SLC35F1: variants seen among roughly 807,000 people sequenced by gnomAD.
SLC35F1 encodes the protein chromosome 6 open reading frame 169.
SLC35F1 carries 14 observed loss-of-function variants against 48.7 expected under a neutral mutation model. The observed-to-expected ratio is 0.29, with a 90% CI of 0.19 to 0.45. The LOEUF (loss-of-function observed/expected upper bound fraction) is 0.45. SLC35F1 is among the 20% of genes least tolerant of loss of function. The pLI is 1.00. For synonymous variants in SLC35F1, 190 were observed against 202.2 expected, an observed-to-expected ratio of 0.94 and a Z score of 0.51; for missense variants, 404 against 500.0, an observed-to-expected ratio of 0.81 and a Z score of 1.83.
At chr6:117,910,442 C>T (rs148095986) in intron 1 of SLC35F1, among the ~76,000 whole-genome samples, 39 of 152,302 alleles carry the variant, frequency 2.6e-4, no homozygotes, top group Middle Eastern at 3.4e-3. Flanking sequence ...TTTTCCTCTT[C>T]CTCCTTCCTG....
chr6:117,976,350 C>G (rs1042525399), intron 1 of SLC35F1, among the ~76,000 whole-genome samples: 3 of 152,114 alleles, frequency 2.0e-5, no homozygotes, highest in East Asian at 3.8e-4. Context: ...GGCTTTCTTC[C>G]TTTTTAGAAG....
chr6:118,044,292 C>T (rs923191739), intron 1 of SLC35F1, among the ~76,000 whole-genome samples: 1 of 152,180 alleles, frequency 6.6e-6, no homozygotes, highest in African/African-American at 2.4e-5. Flanking sequence ...CATTCAAGGG[C>T]ATTCATTCTT....
At position 117,923,630 on chromosome 6, in the gene SLC35F1, T is replaced by C. The variant is rs62432055; in HGVS notation, c.173+15731T>C. Among the ~76,000 whole-genome samples, 2 of 90,836 alleles carry C rather than the reference T, an allele frequency of 2.2e-5. 1 individual carries two copies. Among genetic ancestry groups the C allele is most frequent in the African/African-American group, 8.0e-5 (2 of 25,034 alleles). The allele number at this position is 90,836 out of a possible 152,430, so 59.6% of individuals were successfully genotyped here. On this transcript the variant is annotated intron_variant, in intron 1 of 7. Coordinates refer to ENST00000360388, the MANE Select transcript of SLC35F1 (RefSeq NM_001029858.4). ...ATACATATACATATGTATATATACA[T>C]ATATGTACATATGTACATATGTACA...
At chr6:117,978,112 T>C (rs1010218834) in intron 1 of SLC35F1, among the ~76,000 whole-genome samples, 2 of 152,200 alleles carry the variant, frequency 1.3e-5, no homozygotes, top group African/African-American at 2.4e-5. Flanking sequence ...CAGATGTGTT[T>C]ATCTGAACTG....
At chr6:118,078,416 A>C (rs548447415) in intron 1 of SLC35F1, among the ~76,000 whole-genome samples, 2 of 152,314 alleles carry the variant, frequency 1.3e-5, no homozygotes, top group African/African-American at 4.8e-5. Context: ...CACACATGGG[A>C]AATGATGAAG....
intron 1 of SLC35F1, among the ~76,000 whole-genome samples, chr6:118,087,281 C>T (rs189432070): frequency 7.4e-4 from 113 of 152,162 alleles, no homozygotes; most frequent in African/African-American, 2.7e-3. Context: ...GGACACCCGT[C>T]ATATTGGATT....
intron 7 of SLC35F1, among the ~76,000 whole-genome samples, chr6:118,295,170 G>A (rs1303314178): frequency 6.6e-6 from 1 of 152,004 alleles, no homozygotes; most frequent in Non-Finnish European, 1.5e-5. Flanking sequence ...TGTGGTGGTT[G>A]TTATAAGAGA....
intron 1 of SLC35F1, among the ~76,000 whole-genome samples, chr6:117,974,880 A>G (rs1582595013): frequency 2.6e-5 from 4 of 152,364 alleles, no homozygotes. Context: ...AATAGAAGAC[A>G]AGTGGACTCA....
intron 1 of SLC35F1, among the ~76,000 whole-genome samples, chr6:118,027,847 T>C (rs1458509811): frequency 6.6e-6 from 1 of 152,136 alleles, no homozygotes; most frequent in Non-Finnish European, 1.5e-5. Context: ...GTTCACACTT[T>C]TTGAGAGACA....
intron 3 of SLC35F1, among the ~76,000 whole-genome samples, chr6:118,247,463 C>A (rs1775522508): frequency 6.6e-6 from 1 of 152,152 alleles, no homozygotes; most frequent in Non-Finnish European, 1.5e-5. Context: ...CATGTTTTCC[C>A]AGTACCAGGG....
chr6:118,302,238 A>G (rs1015202615), intron 7 of SLC35F1, among the ~76,000 whole-genome samples: 4 of 152,168 alleles, frequency 2.6e-5, no homozygotes, highest in African/African-American at 9.7e-5. Context: ...GCCCTGAGCT[A>G]AGATGTGTGA....
chr6:118,234,578 C>G (rs1775337761), intron 2 of SLC35F1, among the ~76,000 whole-genome samples: 1 of 152,158 alleles, frequency 6.6e-6, no homozygotes, highest in African/African-American at 2.4e-5. Flanking sequence ...TGGAGACACT[C>G]AGTTAAGCTC....
chr6:118,089,516 C>T lies in SLC35F1; in HGVS notation c.174-64929C>T, dbSNP rs555535546. 7.2e-5 allele frequency among the ~76,000 whole-genome samples: 11 copies of T among 152,284 alleles called. No homozygotes were observed. In the South Asian group the frequency reaches 8.3e-4, roughly 11 times the overall value. On this transcript the variant is annotated intron_variant, in intron 1 of 7. Transcript: ENST00000360388. Reference sequence around the variant, plus strand: ...CTATTAATTTCTATTTCCTTTTGCTCATTTTTTATGATACACTCTCAGGAG... The same window carrying T: ...CTATTAATTTCTATTTCCTTTTGCTTATTTTTTATGATACACTCTCAGGAG...
At chr6:118,309,213 AT>A (rs1055046377) in intron 7 of SLC35F1, among the ~76,000 whole-genome samples, 13 of 144,712 alleles carry the variant, frequency 9.0e-5, no homozygotes, top group South Asian at 2.2e-4. Flanking sequence ...GCGTGTGTGT[AT>A]TTTTTTTTAA....
intron 4 of SLC35F1, among the ~76,000 whole-genome samples, chr6:118,273,036 G>A (rs1162676966): frequency 6.7e-6 from 1 of 149,146 alleles, no homozygotes; most frequent in African/African-American, 2.6e-5. Flanking sequence ...CTTAAAAACT[G>A]ACAAATATAA....
At chr6:118,097,898 A>G (rs1773201422) in intron 1 of SLC35F1, among the ~76,000 whole-genome samples, 1 of 152,202 alleles carries the variant, frequency 6.6e-6, no homozygotes, top group African/African-American at 2.4e-5. Context: ...GTTTTCTCAC[A>G]TCTAATTATA....
At chr6:118,150,864 A>C (rs114518030) in intron 1 of SLC35F1, among the ~76,000 whole-genome samples, 375 of 152,276 alleles carry the variant, frequency 2.5e-3, no homozygotes, top group African/African-American at 8.7e-3. Flanking sequence ...AAAATTCTGC[A>C]AAGTCAACAT....
intron 2 of SLC35F1, among the ~76,000 whole-genome samples, chr6:118,205,737 A>C (rs988263191): frequency 6.6e-6 from 1 of 152,232 alleles, no homozygotes; most frequent in Non-Finnish European, 1.5e-5. Flanking sequence ...AGGTGGAAAC[A>C]AGTGTCCATT....
intron 1 of SLC35F1, among the ~76,000 whole-genome samples, chr6:118,092,541 C>T (rs533583269): frequency 9.2e-5 from 14 of 152,288 alleles, no homozygotes; most frequent in African/African-American, 2.6e-4. Flanking sequence ...AGAAGAGGGC[C>T]GCCATCCTCC....
Sources: allele counts gnomAD v4.1 joint callset (sites outside exome capture counted in the v4.1 genomes callset), GRCh38; gene constraint gnomAD v4.1.1; transcripts MANE v1.5; gene names NCBI Gene and HGNC (gene_info 2026-07-23, HGNC 2026-07-21).